The following PRKG1 variants were observed in gnomAD, a reference collection of about 807,000 sequenced individuals.
PRKG1 encodes the protein protein kinase cGMP-dependent 1.
Under a neutral mutation model 88.1 loss-of-function variants are expected in PRKG1, and 35 were observed. The observed-to-expected ratio is 0.40, with a 90% CI of 0.30 to 0.53. The LOEUF (loss-of-function observed/expected upper bound fraction) is 0.53. PRKG1 is among the 20% of genes least tolerant of loss of function. The probability of loss-of-function intolerance (pLI) is 0.59; values close to 1 mark genes in which losing one functional copy is unlikely to be tolerated. For missense variants in PRKG1, 540 were observed against 839.8 expected, an observed-to-expected ratio of 0.64 and a Z score of 4.41; for synonymous variants, 303 against 292.5, an observed-to-expected ratio of 1.04 and a Z score of -0.37.
chr10:51,058,566 G>A (rs545685395), intron 1 of PRKG1, among the ~76,000 whole-genome samples: 32 of 152,078 alleles, frequency 2.1e-4, no homozygotes, highest in Non-Finnish European at 2.5e-4. Context: ...TTGAACAAGG[G>A]TTCATTCTTG....
chr10:51,953,169 A>G (rs1421231492), intron 5 of PRKG1, among the ~76,000 whole-genome samples: 2 of 152,226 alleles, frequency 1.3e-5, no homozygotes, highest in Non-Finnish European at 2.9e-5. Flanking sequence ...CAGAAAAGGC[A>G]GGGATGTCAC....
chr10:51,195,268 T>C (rs1337281562), intron 2 of PRKG1, among the ~76,000 whole-genome samples: 5 of 152,252 alleles, frequency 3.3e-5, no homozygotes, highest in African/African-American at 1.2e-4. Context: ...ATATTTGTGG[T>C]ATAATGAAGT....
intron 4 of PRKG1, among the ~76,000 whole-genome samples, chr10:51,866,796 T>A (rs777904770): frequency 6.6e-6 from 1 of 152,176 alleles, no homozygotes; most frequent in Non-Finnish European, 1.5e-5. Flanking sequence ...GTCTGTGCAT[T>A]CATTCAGTGT....
At chr10:51,431,653 TG>T (rs1403675408) in intron 2 of PRKG1, among the ~76,000 whole-genome samples, 4 of 152,092 alleles carry the variant, frequency 2.6e-5, no homozygotes, top group Non-Finnish European at 5.9e-5. Flanking sequence ...TATCCTCAGT[TG>T]GGGGGCTACA....
At chr10:51,454,307 G>A (rs375207747) in intron 2 of PRKG1, among the ~76,000 whole-genome samples, 14 of 151,780 alleles carry the variant, frequency 9.2e-5, no homozygotes, top group South Asian at 6.2e-4. Flanking sequence ...AAGCAAAATC[G>A]CAAATCTGGA....
chr10:51,731,856 G>A (rs1842277581), intron 3 of PRKG1, among the ~76,000 whole-genome samples: 2 of 152,166 alleles, frequency 1.3e-5, no homozygotes, highest in Admixed American at 1.3e-4. Context: ...ATGTCAAGGT[G>A]TTTAAAGTAG....
At chr10:52,290,113 A>G (rs1842207274) in intron 16 of PRKG1, 111 bp from the exon 17 acceptor site, 4 of 754,614 alleles carry the variant, frequency 5.3e-6, no homozygotes, top group Non-Finnish European at 2.1e-6. Flanking sequence ...TTTTTGTCAC[A>G]TGAAAATGTT....
intron 3 of PRKG1, among the ~76,000 whole-genome samples, chr10:51,774,549 A>G (rs1838387282): frequency 6.6e-6 from 1 of 152,134 alleles, no homozygotes; most frequent in Non-Finnish European, 1.5e-5. Flanking sequence ...TTAAGAGTAC[A>G]GTATGCTTAC....
chr10:51,737,450 T>C (rs1589245694), intron 3 of PRKG1, among the ~76,000 whole-genome samples: 1 of 152,212 alleles, frequency 6.6e-6, no homozygotes, highest in African/African-American at 2.4e-5. Flanking sequence ...GGTTTATTGC[T>C]TTCAATCTAA....
intron 2 of PRKG1, among the ~76,000 whole-genome samples, chr10:51,324,034 G>A (rs995361176): frequency 6.6e-6 from 1 of 152,206 alleles, no homozygotes; most frequent in Admixed American, 6.5e-5. Flanking sequence ...TGTCTACAAT[G>A]TGGAATGATT....
At chr10:51,957,458 A>G (rs1422193856) in intron 5 of PRKG1, among the ~76,000 whole-genome samples, 5 of 151,568 alleles carry the variant, frequency 3.3e-5, no homozygotes, top group Admixed American at 1.3e-4. Flanking sequence ...TGCACGGCTA[A>G]TTTTTTAAAT....
At chr10:52,221,317 T>G (rs908706405) in intron 9 of PRKG1, among the ~76,000 whole-genome samples, 9 of 151,798 alleles carry the variant, frequency 5.9e-5, no homozygotes. Flanking sequence ...TTGAGATAAT[T>G]TGTTATGCAG....
chr10:51,764,633 T>C (rs1181738563), intron 3 of PRKG1, among the ~76,000 whole-genome samples: 1 of 152,202 alleles, frequency 6.6e-6, no homozygotes, highest in Non-Finnish European at 1.5e-5. Context: ...CTTTCCATAG[T>C]ATGGAAATAG....
At chr10:51,206,055 T>C (rs1205698371) in intron 2 of PRKG1, among the ~76,000 whole-genome samples, 2 of 152,176 alleles carry the variant, frequency 1.3e-5, no homozygotes, top group Non-Finnish European at 2.9e-5. Context: ...AGCAGCAGGG[T>C]AAACAGTCAA....
chr10:51,184,932 G>A (rs763081146), intron 2 of PRKG1, among the ~76,000 whole-genome samples: 2 of 152,112 alleles, frequency 1.3e-5, no homozygotes, highest in Non-Finnish European at 2.9e-5. Context: ...GCAGGTATAC[G>A]AGAGGCCAAT....
chr10:52,222,850 A>C (rs1269263631), intron 9 of PRKG1, among the ~76,000 whole-genome samples: 1 of 152,190 alleles, frequency 6.6e-6, no homozygotes, highest in Non-Finnish European at 1.5e-5. Context: ...ACTTGATGTT[A>C]TCCCAACTTT....
chr10:51,698,198 C>G (rs1303414474), intron 3 of PRKG1: 3 of 1,614,136 alleles, frequency 1.9e-6, no homozygotes, highest in Non-Finnish European at 2.5e-6. Flanking sequence ...ATCCATGCCC[C>G]TTGCTTCCAT....
chr10:51,857,580 C>T (rs1276630074), intron 4 of PRKG1, among the ~76,000 whole-genome samples: 1 of 152,086 alleles, frequency 6.6e-6, no homozygotes, highest in Non-Finnish European at 1.5e-5. Context: ...GAGTGAACAG[C>T]AGTTGGGAAT....
chr10:51,368,704 T>G (rs569292623), intron 2 of PRKG1, among the ~76,000 whole-genome samples: 1 of 152,126 alleles, frequency 6.6e-6, no homozygotes, highest in Admixed American at 6.6e-5. Flanking sequence ...GACTAAAGAG[T>G]ACTAGAATGT....
Sources: gnomAD v4.1 joint callset for allele counts (sites outside exome capture counted in the v4.1 genomes callset) on GRCh38, gnomAD v4.1.1 for gene constraint, MANE v1.5 for transcripts, NCBI Gene and HGNC (gene_info 2026-07-23, HGNC 2026-07-21) for gene names.